RSPO3: variants seen among roughly 807,000 people sequenced by gnomAD.
RSPO3 encodes the protein R-spondin 3.
In RSPO3, 17 loss-of-function variants were observed where a neutral mutation model predicts 36.5. The observed-to-expected ratio is 0.47, with a 90% CI of 0.32 to 0.70. The LOEUF is 0.70. Among genes scored for constraint, RSPO3 ranks in the 30% least tolerant of loss-of-function variants. RSPO3 has a pLI of 0.04. For synonymous variants in RSPO3, 108 were observed against 107.0 expected, an observed-to-expected ratio of 1.01 and a Z score of -0.06; for missense variants, 294 against 322.5, an observed-to-expected ratio of 0.91 and a Z score of 0.68.
At chr6:127,185,755 T>C (rs1274141978) in intron 4 of RSPO3, among the ~76,000 whole-genome samples, 1 of 151,994 alleles carries the variant, frequency 6.6e-6, no homozygotes, top group African/African-American at 2.4e-5. Context: ...TGTGTTAGAA[T>C]GAGAATTAGA....
In RSPO3 at chr6:127,195,819, T is replaced by G. The variant is rs1487388892; in HGVS notation, c.635-4T>G. ...ATTTTTAAAAGAGTATCCTTTCATT[T>G]CAGGAAAAAAAGGAAGGGAGAGGAA... On this transcript the variant is annotated splice_polypyrimidine_tract_variant and splice_region_variant and intron_variant, in intron 4 of 4. Transcript: ENST00000356698. 6.7e-7 allele frequency: 1 copy of G among 1,496,036 alleles called. No individual in the cohort carries two copies. Among genetic ancestry groups the G allele is most frequent in the Admixed American group, 2.3e-5 (1 of 43,240 alleles). The allele number at this position is 1,496,036 out of a possible 1,614,324, so 92.7% of individuals were successfully genotyped here.
chr6:127,139,705 G>A (rs983508877), intron 1 of RSPO3, among the ~76,000 whole-genome samples: 2 of 152,060 alleles, frequency 1.3e-5, no homozygotes, highest in African/African-American at 4.8e-5. Context: ...TATGAAAAAC[G>A]CTGTTATTAC....
Position 127,150,430 on chromosome 6 carries a change from C to T in RSPO3, c.294C>T (p.Cys98=). 1.9e-6 allele frequency: 3 copies of T among 1,610,284 alleles called. No individual in the cohort carries two copies. The highest frequency in any genetic ancestry group is 2.5e-6 in the Non-Finnish European group (3 of 1,178,450). ...RYPDINKCTK[C]KADCDTCFNK... ...TCTTTCTTTTTTCTCTTTCAGAATG[C>T]AAAGCTGACTGTGATACCTGTTTCA... Residue 98 remains cysteine, a synonymous_variant, in exon 3 of 5, where the codon TGC becomes TGT. Coordinates refer to ENST00000356698, the MANE Select transcript of RSPO3 (RefSeq NM_032784.5).
At position 127,139,681 on chromosome 6, in the gene RSPO3, T is replaced by C. The variant is rs1027812785; in HGVS notation, c.98-8967T>C. On this transcript the variant is annotated intron_variant, in intron 1 of 4. Coordinates refer to ENST00000356698, the MANE Select transcript of RSPO3 (RefSeq NM_032784.5). The stretch of plus-strand genomic sequence containing the variant: ...ATGATTCCCACTGTTGGATGAACAC[T>C]GTTGGATCTGTCTTATGAAAAACGC... Among the ~76,000 whole-genome samples, 63 of 152,078 alleles carry C rather than the reference T, an allele frequency of 4.1e-4. 1 individual carries two copies. The highest frequency in any genetic ancestry group is 1.3e-4 in the Non-Finnish European group (9 of 68,012).
At chr6:127,183,882 A>G (rs1775237611) in intron 4 of RSPO3, among the ~76,000 whole-genome samples, 2 of 152,034 alleles carry the variant, frequency 1.3e-5, no homozygotes, top group African/African-American at 2.4e-5. Context: ...TTTATAAAGG[A>G]AACAGGTTTA....
intron 4 of RSPO3, among the ~76,000 whole-genome samples, chr6:127,182,414 T>C (rs1775207762): frequency 6.7e-6 from 1 of 150,344 alleles, no homozygotes; most frequent in Admixed American, 6.6e-5. Context: ...CCTTTAAAAC[T>C]TTTTTCTATC....
At chr6:127,165,526 GGTCTTGAAAT>G (rs1202470507) in intron 4 of RSPO3, among the ~76,000 whole-genome samples, 1 of 151,924 alleles carries the variant, frequency 6.6e-6, no homozygotes, top group African/African-American at 2.4e-5. Context: ...AGTTTGTCAA[GGTCTTGAAAT>G]GTATAAGACA....
chr6:127,181,030 G>A (rs1222095321), intron 4 of RSPO3, among the ~76,000 whole-genome samples: 1 of 151,734 alleles, frequency 6.6e-6, no homozygotes, highest in Non-Finnish European at 1.5e-5. Context: ...AAAATTTAAT[G>A]TCCCACTTTT....
chr6:127,176,451 T>A lies in RSPO3; in HGVS notation c.635-19372T>A, dbSNP rs185085898. Among the ~76,000 whole-genome samples, 106 of 151,858 alleles carry A rather than the reference T, an allele frequency of 7.0e-4. No individual in the cohort carries two copies. In the East Asian group the frequency reaches 7.4e-3, roughly 11 times the overall value. On this transcript the variant is annotated intron_variant, in intron 4 of 4. Coordinates refer to ENST00000356698, the MANE Select transcript of RSPO3 (RefSeq NM_032784.5). Reference sequence around the variant, plus strand: ...TTATTTCCTTTTTATTTATTTATTTTTTTTTAATAGACCTAAAACACTCAT... The same window carrying A: ...TTATTTCCTTTTTATTTATTTATTTATTTTTAATAGACCTAAAACACTCAT...
At chr6:127,181,090 C>T (rs1775177636) in intron 4 of RSPO3, among the ~76,000 whole-genome samples, 2 of 151,620 alleles carry the variant, frequency 1.3e-5, no homozygotes, top group South Asian at 4.2e-4. Flanking sequence ...AAGTAATATC[C>T]CCCAAAGATA....
intron 1 of RSPO3, among the ~76,000 whole-genome samples, chr6:127,122,771 A>T (rs1773869965): frequency 6.6e-6 from 1 of 152,186 alleles, no homozygotes; most frequent in Non-Finnish European, 1.5e-5. Flanking sequence ...TATAATGGTG[A>T]TCAATGTCAA....
At chr6:127,140,829 C>G (rs1179297016) in intron 1 of RSPO3, among the ~76,000 whole-genome samples, 4 of 152,130 alleles carry the variant, frequency 2.6e-5, no homozygotes, top group Non-Finnish European at 5.9e-5. Context: ...TTGTGCCCAG[C>G]TTCTCCCATG....
Position 127,153,823 on chromosome 6 carries a change from C to T in RSPO3, c.437-1418C>T, listed in dbSNP as rs190225804. ...TTTGGAGGTGCCTTTTTTTGTAATC[C>T]TAAGGATACACTACTTTTTAATGAT... On this transcript the variant is annotated intron_variant, in intron 3 of 4. Coordinates refer to ENST00000356698, the MANE Select transcript of RSPO3 (RefSeq NM_032784.5). Among the ~76,000 whole-genome samples, 16 of 151,984 alleles carry T rather than the reference C, an allele frequency of 1.1e-4. No individual in the cohort carries two copies. The East Asian group carries it at 2.9e-3, about 28-fold the overall frequency.
chr6:127,154,184 A>G (rs1352030947), intron 3 of RSPO3, among the ~76,000 whole-genome samples: 1 of 152,174 alleles, frequency 6.6e-6, no homozygotes, highest in East Asian at 1.9e-4. Context: ...GCTCTAAAGT[A>G]AGGAATCATT....
chr6:127,144,481 C>T (rs1329836992), intron 1 of RSPO3, among the ~76,000 whole-genome samples: 1 of 152,014 alleles, frequency 6.6e-6, no homozygotes, highest in Non-Finnish European at 1.5e-5. Flanking sequence ...GCAATTACCA[C>T]AGTTAATTTA....
chr6:127,118,689 C>G lies in RSPO3; in HGVS notation c.-504C>G, dbSNP rs1256256908. 6.6e-6 allele frequency: 1 copy of G among 151,022 alleles called. No homozygotes were observed. Among genetic ancestry groups the G allele is most frequent in the Admixed American group, 6.6e-5 (1 of 15,112 alleles). The allele number at this position is 151,022 out of a possible 1,614,324, so 9.4% of individuals were successfully genotyped here. A position where few individuals can be genotyped will look rare whatever the true frequency, so the allele number is the denominator to read the frequency against. On this transcript the variant is annotated 5_prime_UTR_variant, in exon 1 of 5. Coordinates refer to ENST00000356698, the MANE Select transcript of RSPO3 (RefSeq NM_032784.5). ...GCCCAACACTGGAGCGTCTCCTGCTCGCGCACGCCAGAAGCAGCTCGGGGT... is the reference window on the plus strand; with the variant it reads ...GCCCAACACTGGAGCGTCTCCTGCTGGCGCACGCCAGAAGCAGCTCGGGGT...
chr6:127,162,015 G>A (rs1774719051), intron 4 of RSPO3, among the ~76,000 whole-genome samples: 1 of 152,158 alleles, frequency 6.6e-6, no homozygotes, highest in Non-Finnish European at 1.5e-5. Context: ...GATCTTGGCT[G>A]GGCTCTGTCA....
chr6:127,126,107 G>A (rs1300963396), intron 1 of RSPO3, among the ~76,000 whole-genome samples: 2 of 152,108 alleles, frequency 1.3e-5, no homozygotes, highest in Non-Finnish European at 2.9e-5. Context: ...TCAGGTCTGG[G>A]TGAATGGAAA....
intron 1 of RSPO3, among the ~76,000 whole-genome samples, chr6:127,120,204 G>A (rs1180417119): frequency 6.6e-6 from 1 of 152,180 alleles, no homozygotes; most frequent in African/African-American, 2.4e-5. Context: ...GGGTTGGTCT[G>A]TCTGAAAGGT....
Sources: gnomAD v4.1 joint callset for allele counts (sites outside exome capture counted in the v4.1 genomes callset) on GRCh38, gnomAD v4.1.1 for gene constraint, MANE v1.5 for transcripts, NCBI Gene and HGNC (gene_info 2026-07-23, HGNC 2026-07-21) for gene names.